The following BCOR variants were observed in gnomAD, a reference collection of about 807,000 sequenced individuals.
The protein encoded by BCOR is BCL-6 corepressor.
BCOR carries 10 observed loss-of-function variants against 86.7 expected under a neutral mutation model. That is an observed-to-expected ratio of 0.12 (90% confidence interval 0.07 to 0.20). The LOEUF (loss-of-function observed/expected upper bound fraction) is 0.20. Among genes scored for constraint, BCOR ranks in the 10% least tolerant of loss-of-function variants. The pLI, the probability that BCOR is intolerant of heterozygous loss-of-function variation, is 1.00. For missense variants in BCOR, 1,259 were observed against 1,452.1 expected, an observed-to-expected ratio of 0.87 and a Z score of 2.16; for synonymous variants, 611 against 609.0, an observed-to-expected ratio of 1.00 and a Z score of -0.05.
At chrX:40,057,829 A>G (rs1198407975) in intron 10 of BCOR, among the ~76,000 whole-genome samples, 1 of 112,317 alleles carries the variant, frequency 8.9e-6, no homozygotes, top group Non-Finnish European at 1.9e-5. Flanking sequence ...GAACAATTAA[A>G]TGAGCTGGAG....
chrX:40,136,609 A>G (rs1212505588), intron 1 of BCOR, among the ~76,000 whole-genome samples: 1 of 112,058 alleles, frequency 8.9e-6, no homozygotes, highest in African/African-American at 3.2e-5. Context: ...AGTAAAATGT[A>G]GTTTTATGAT....
At chrX:40,121,120 G>A (rs1054778865) in intron 1 of BCOR, among the ~76,000 whole-genome samples, 1 of 111,349 alleles carries the variant, frequency 9.0e-6, no homozygotes, top group Admixed American at 9.6e-5. Context: ...GGGGGCGGGG[G>A]TTGATCCTGC....
chrX:40,152,542 G>A (rs1192212976), intron 1 of BCOR, among the ~76,000 whole-genome samples: 1 of 113,092 alleles, frequency 8.8e-6, no homozygotes, highest in Non-Finnish European at 1.9e-5. Context: ...GTAAACAGCC[G>A]CGTGCACGCC....
chrX:40,161,506 C>CTTTTTTTTTTTTTTT (rs749528691), intron 1 of BCOR, among the ~76,000 whole-genome samples: 1 of 55,987 alleles, frequency 1.8e-5, no homozygotes, highest in Non-Finnish European at 3.1e-5. Context: ...CGATTCTCCC[C>CTTTTTTTTTTTTTTT]TTTTTTTTTT....
intron 1 of BCOR, among the ~76,000 whole-genome samples, chrX:40,167,965 C>T (rs188799698): frequency 3.0e-3 from 337 of 112,848 alleles, no homozygotes; most frequent in South Asian, 0.014. Flanking sequence ...TCCTGGGAAG[C>T]TTCGATTCCC....
chrX:40,148,229 T>C (rs767610540), intron 1 of BCOR, among the ~76,000 whole-genome samples: 75 of 111,570 alleles, frequency 6.7e-4, no homozygotes, highest in Non-Finnish European at 1.2e-3. Flanking sequence ...GTGAAGACAC[T>C]CCTAGACTCA....
intron 1 of BCOR, among the ~76,000 whole-genome samples, chrX:40,118,349 G>A (rs1051660921): frequency 1.4e-4 from 16 of 110,525 alleles, no homozygotes; most frequent in African/African-American, 4.9e-4. Flanking sequence ...TGCAACCTCC[G>A]CCTCCCAGGT....
At chrX:40,085,679 C>T (rs1936326334) in intron 1 of BCOR, among the ~76,000 whole-genome samples, 1 of 111,971 alleles carries the variant, frequency 8.9e-6, no homozygotes, top group Non-Finnish European at 1.9e-5. Flanking sequence ...CCTAAATGAT[C>T]TTCCAAAACC....
chrX:40,110,544 G>T, intron 1 of BCOR, among the ~76,000 whole-genome samples: 1 of 108,958 alleles, frequency 9.2e-6, no homozygotes, highest in Non-Finnish European at 1.9e-5. Flanking sequence ...AGGAACTCAG[G>T]GAACTTCTGG....
chrX:40,160,022 G>C (rs1230851353), intron 1 of BCOR, among the ~76,000 whole-genome samples: 1 of 112,624 alleles, frequency 8.9e-6, no homozygotes, highest in Non-Finnish European at 1.9e-5. Flanking sequence ...AAGGCATTGT[G>C]CTCTAGTGCT....
chrX:40,121,229 G>A (rs966852477), intron 1 of BCOR, among the ~76,000 whole-genome samples: 17 of 111,825 alleles, frequency 1.5e-4, no homozygotes, highest in Non-Finnish European at 2.6e-4. Flanking sequence ...TTGGCTCTGG[G>A]CTTCTGTTTC....
chrX:40,107,958 T>G (rs1339860899), intron 1 of BCOR, among the ~76,000 whole-genome samples: 1 of 113,289 alleles, frequency 8.8e-6, no homozygotes, highest in Non-Finnish European at 1.9e-5. Context: ...GCGGTTTGAT[T>G]TAGGGTGTTT....
chrX:40,148,032 C>G (rs1157220300), intron 1 of BCOR, among the ~76,000 whole-genome samples: 2 of 112,291 alleles, frequency 1.8e-5, no homozygotes, highest in African/African-American at 6.5e-5. Flanking sequence ...CATCAGAGAG[C>G]TGGTGCCTCC....
chrX:40,076,657 C>T lies in BCOR; in HGVS notation c.87-125G>A, dbSNP rs749593498. 3.8e-5 allele frequency: 19 copies of T among 502,740 alleles called. No individual in the cohort carries two copies. In the African/African-American group the frequency reaches 4.0e-4, roughly 11 times the overall value. 41.4% of individuals were successfully genotyped at this position (502,740 alleles called of 1,213,427 possible). A position where few individuals can be genotyped will look rare whatever the true frequency, so the allele number is the denominator to read the frequency against. ...TAAAACTGTCCTTAACCCTCCGCCC[C>T]CACCAGCTGTCAATGGCCCATATTG... On this transcript the variant is annotated intron_variant, in intron 2 of 14. Coordinates refer to ENST00000378444, the MANE Select transcript of BCOR (RefSeq NM_001123385.2).
chrX:40,127,308 C>T (rs1032557454), intron 1 of BCOR, among the ~76,000 whole-genome samples: 2 of 112,026 alleles, frequency 1.8e-5, no homozygotes, highest in Admixed American at 9.5e-5. Context: ...AGTGACAGTT[C>T]ACTGCAGCTG....
intron 1 of BCOR, among the ~76,000 whole-genome samples, chrX:40,094,818 G>C (rs1282734505): frequency 8.8e-6 from 1 of 113,320 alleles, no homozygotes; most frequent in African/African-American, 3.2e-5. Flanking sequence ...GCTCCCCGCA[G>C]CCTGGACAGC....
rs1371101854 is a variant in BCOR at position 40,062,981 on chromosome X, G to T, written c.3938C>A (p.Pro1313Gln). ...GKKQAQPSCA[P>Q]ASRPPAKQQK... ...CTGTTTGGCAGGCGGCCTGGAGGCT[G>T]GTGCGCAGCTTGGCTGAGCCTGCTT... Residue 1313 changes from proline to glutamine, a missense_variant, in exon 9 of 15, where the codon CCA becomes CAA. This residue lies in a region of BCOR where 305 missense variants were observed against 286.1 expected (regional missense o/e 1.07). Coordinates refer to ENST00000378444, the MANE Select transcript of BCOR (RefSeq NM_001123385.2). The T allele has an allele frequency of 1.7e-6, 2 of 1,184,388 alleles. No individual in the cohort carries two copies.
chrX:40,167,381 C>T (rs1938526214), intron 1 of BCOR, among the ~76,000 whole-genome samples: 1 of 112,213 alleles, frequency 8.9e-6, no homozygotes, highest in African/African-American at 3.2e-5. Flanking sequence ...CAGTCCCAAG[C>T]CACTCTGTGC....
rs746755596 is a variant in BCOR, at chrX:40,174,138, C to G, written c.-41+2869G>C. On this transcript the variant is annotated intron_variant, in intron 1 of 14. Transcript: ENST00000342274. Reference sequence around the variant, plus strand: ...GCTGCCTTTTCCTTTTCAAACACAACGCAAATGGCCTTTGCCTTAAGTGGC... The same window carrying G: ...GCTGCCTTTTCCTTTTCAAACACAAGGCAAATGGCCTTTGCCTTAAGTGGC... Among the ~76,000 whole-genome samples, 49 of 112,990 alleles carry G rather than the reference C, an allele frequency of 4.3e-4. 1 individual carries two copies. The highest frequency in any genetic ancestry group is 4.1e-3 in the Admixed American group (44 of 10,783).
Sources: allele counts gnomAD v4.1 joint callset (sites outside exome capture counted in the v4.1 genomes callset), GRCh38; gene constraint gnomAD v4.1.1; regional missense constraint gnomAD v4.1.1; transcripts MANE v1.5; gene names NCBI Gene and HGNC (gene_info 2026-07-23, HGNC 2026-07-21).